MTA3: variants seen among roughly 807,000 people sequenced by gnomAD.
MTA3 encodes the protein metastasis associated 1 family member 3.
MTA3 carries 34 observed loss-of-function variants against 83.5 expected under a neutral mutation model. The observed-to-expected ratio is 0.41, with a 90% CI of 0.31 to 0.54. The LOEUF is 0.54. Ranked by LOEUF, MTA3 falls within the 20% of genes least tolerant of loss-of-function variation. The pLI, the probability that MTA3 is intolerant of heterozygous loss-of-function variation, is 0.33. For synonymous variants in MTA3, 303 were observed against 252.7 expected (o/e 1.20, Z -1.89); for missense variants, 761 against 726.4 (o/e 1.05, Z -0.55).
chr2:42,698,985 A>AT (rs1449351048), intron 11 of MTA3, among the ~76,000 whole-genome samples: 1 of 152,210 alleles, frequency 6.6e-6, no homozygotes, highest in African/African-American at 2.4e-5. Context: ...TGTGTCTTAG[A>AT]TTTTCAAAAG....
rs142791465 is a variant in MTA3, at chr2:42,707,896, G to A, written c.1151-7G>A. 1,129 of 1,529,206 alleles carry A rather than the reference G, an allele frequency of 7.4e-4. 11 individuals are homozygous for A. In the African/African-American group the frequency reaches 0.013, roughly 17 times the overall value. The allele number at this position is 1,529,206 out of a possible 1,614,324, so 94.7% of individuals were successfully genotyped here. ...TTTCGTTTTTTCTTATTTTTCTTCT[G>A]CTTTAGCTACACAGTCTCACCAGTG... On this transcript the variant is annotated splice_polypyrimidine_tract_variant and splice_region_variant and intron_variant, in intron 12 of 16. Coordinates refer to ENST00000405094, the MANE Select transcript of MTA3 (RefSeq NM_001330442.2).
chr2:42,677,647 A>C (rs2104424955), intron 8 of MTA3, among the ~76,000 whole-genome samples: 1 of 152,178 alleles, frequency 6.6e-6, no homozygotes, highest in African/African-American at 2.4e-5. Flanking sequence ...CCTCGTCCTG[A>C]TGGTTTTAAA....
In MTA3 at chr2:42,529,532, A is replaced by G. The variant is rs369901795; in HGVS notation, c.-141+34278A>G. 1.4e-4 allele frequency among the ~76,000 whole-genome samples: 22 copies of G among 152,278 alleles called. 1 individual carries two copies. Among genetic ancestry groups the G allele is most frequent in the African/African-American group, 4.1e-4 (17 of 41,562 alleles). On this transcript the variant is annotated intron_variant, in intron 2 of 17. Transcript: ENST00000405592. ...TCCTGTACCCTCGTTTTTATTTCCA[A>G]TCTAAGGACTTACTGTTTCTTCAGT...
intron 12 of MTA3, 72 bp downstream of exon 12, chr2:42,704,390 G>A (rs1665883966): frequency 6.3e-7 from 1 of 1,588,360 alleles, no homozygotes; most frequent in African/African-American, 1.3e-5. Flanking sequence ...CGTCTGGGAA[G>A]TGCCTGAGGT....
At chr2:42,749,467 ATTATTT>A (rs1669699395) in intron 16 of MTA3, among the ~76,000 whole-genome samples, 1 of 151,988 alleles carries the variant, frequency 6.6e-6, no homozygotes, top group African/African-American at 2.4e-5. Flanking sequence ...TTTTAAAAAA[ATTATTT>A]TATTGTATTT....
intron 3 of MTA3, among the ~76,000 whole-genome samples, chr2:42,598,483 CT>C (rs2103983486): frequency 6.6e-6 from 1 of 152,268 alleles, no homozygotes; most frequent in Non-Finnish European, 1.5e-5. Context: ...CTGTAAGGAC[CT>C]TATACATAAT....
intron 3 of MTA3, among the ~76,000 whole-genome samples, chr2:42,588,350 A>G (rs1011015881): frequency 6.6e-6 from 1 of 152,192 alleles, no homozygotes; most frequent in Non-Finnish European, 1.5e-5. Context: ...TGGACATTCT[A>G]CTAAGTACTG....
chr2:42,649,166 C>T (rs929474513), intron 6 of MTA3, among the ~76,000 whole-genome samples: 4 of 152,010 alleles, frequency 2.6e-5, no homozygotes, highest in East Asian at 1.9e-4. Flanking sequence ...AGGCTGAGGC[C>T]GGCAGATCAT....
At chr2:42,526,929 C>T (rs1028195649) in intron 2 of MTA3, among the ~76,000 whole-genome samples, 4 of 151,724 alleles carry the variant, frequency 2.6e-5, no homozygotes, top group African/African-American at 9.7e-5. Context: ...TGATGCTTGC[C>T]TGTAGTCCCA....
At chr2:42,659,914 A>T in intron 8 of MTA3, 52 bp downstream of exon 8, 1 of 1,416,198 alleles carries the variant, frequency 7.1e-7, no homozygotes, top group South Asian at 1.3e-5. Context: ...TTACTTGTTT[A>T]ATTTTAAAGC....
At chr2:42,586,774 C>T (rs188758990) in intron 3 of MTA3, among the ~76,000 whole-genome samples, 112 of 152,234 alleles carry the variant, frequency 7.4e-4, no homozygotes, top group African/African-American at 2.6e-3. Context: ...CCTGTAATCC[C>T]AGCACTTTGG....
intron 2 of MTA3, among the ~76,000 whole-genome samples, chr2:42,551,964 G>C (rs897217550): frequency 6.6e-6 from 1 of 151,842 alleles, no homozygotes; most frequent in African/African-American, 2.4e-5. Context: ...TTGACCTCTT[G>C]ATCCACCCAC....
intron 1 of MTA3, chr2:42,569,337 G>T (rs1678205774): frequency 6.6e-6 from 1 of 152,352 alleles, no homozygotes; most frequent in Non-Finnish European, 1.5e-5. Flanking sequence ...GGCTTCGTGG[G>T]AGCTGGGAAC....
Position 42,554,611 on chromosome 2 carries a change from A to G in MTA3, c.-140-15826A>G, listed in dbSNP as rs975984673. On this transcript the variant is annotated intron_variant, in intron 2 of 17. Coordinates refer to the MTA3 transcript ENST00000405592. ...TGAGGGACCCCACAGGGAGGGAAAA[A>G]AAACAGCAGGGAAAGCCAGCCCGAA... Among the ~76,000 whole-genome samples the G allele has an allele frequency of 7.3e-4, 111 of 152,264 alleles. 1 individual carries two copies. The highest frequency in any genetic ancestry group is 1.5e-5 in the Non-Finnish European group (1 of 68,032).
chr2:42,734,217 T>C (rs2104568477), intron 16 of MTA3, among the ~76,000 whole-genome samples: 1 of 152,278 alleles, frequency 6.6e-6, no homozygotes, highest in South Asian at 2.1e-4. Context: ...CTCCAGTGCT[T>C]GGTGCATATA....
chr2:42,638,647 G>A (rs1687411501), intron 4 of MTA3, among the ~76,000 whole-genome samples: 1 of 151,838 alleles, frequency 6.6e-6, no homozygotes, highest in Non-Finnish European at 1.5e-5. Flanking sequence ...GATTACAGGT[G>A]TGAGCTGGGC....
intron 8 of MTA3, among the ~76,000 whole-genome samples, chr2:42,667,205 C>T (rs1025317022): frequency 1.3e-5 from 2 of 152,056 alleles, no homozygotes; most frequent in African/African-American, 4.8e-5. Context: ...TGCCAGCATG[C>T]CCAGCTGTGA....
intron 8 of MTA3, among the ~76,000 whole-genome samples, chr2:42,676,285 GTTC>G (rs2104421481): frequency 6.6e-6 from 1 of 152,256 alleles, no homozygotes; most frequent in Admixed American, 6.5e-5. Context: ...TACTACTTCA[GTTC>G]TTTGAAGCCC....
At chr2:42,619,389 T>C (rs1346938701) in intron 4 of MTA3, among the ~76,000 whole-genome samples, 1 of 152,222 alleles carries the variant, frequency 6.6e-6, no homozygotes, top group Non-Finnish European at 1.5e-5. Context: ...TTAGTCAGTT[T>C]TACTCAGTGT....
Sources: allele counts gnomAD v4.1 joint callset (sites outside exome capture counted in the v4.1 genomes callset), GRCh38; gene constraint gnomAD v4.1.1; transcripts MANE v1.5; gene names NCBI Gene and HGNC (gene_info 2026-07-23, HGNC 2026-07-21).